PLCB1: variants seen among roughly 807,000 people sequenced by gnomAD.
PLCB1 encodes phospholipase C beta 1, also known as 1-phosphatidylinositol 4,5-bisphosphate phosphodiesterase beta-1.
A neutral mutation model predicts 161.8 loss-of-function variants in PLCB1; 46 were observed. The observed-to-expected ratio is 0.28, with a 90% CI of 0.22 to 0.36. PLCB1 has a LOEUF of 0.36. Ranked by LOEUF, PLCB1 falls within the 10% of genes least tolerant of loss-of-function variation. PLCB1 has a pLI of 1.00. For synonymous variants in PLCB1, 517 were observed against 503.7 expected, an observed-to-expected ratio of 1.03 and a Z score of -0.35; for missense variants, 1,016 against 1,472.5, an observed-to-expected ratio of 0.69 and a Z score of 5.07.
chr20:8,729,077 A>G lies in PLCB1; in HGVS notation c.1791A>G (p.Ile597Met). ...VEYNKMQLSRIYPKGTRVDSS... is the reference protein window; with the variant it reads ...VEYNKMQLSRMYPKGTRVDSS... ...ATAACAAAATGCAGCTTAGCAGGATATATCCAAAAGGAACACGTGTGGATT... is the reference window on the plus strand; with the variant it reads ...ATAACAAAATGCAGCTTAGCAGGATGTATCCAAAAGGAACACGTGTGGATT... The change falls in exon 18 of 32, where the codon ATA (isoleucine) becomes ATG (methionine). Residue 597 changes from isoleucine to methionine, a missense_variant. By Grantham distance (10) the Ile-to-Met change is conservative. Transcript: ENST00000338037. 6.2e-7 allele frequency: 1 copy of G among 1,610,834 alleles called. No homozygotes were observed. The highest frequency in any genetic ancestry group is 1.1e-5 in the South Asian group (1 of 90,648).
chr20:8,375,190 A>G (rs1174700694), intron 3 of PLCB1, among the ~76,000 whole-genome samples: 1 of 152,204 alleles, frequency 6.6e-6, no homozygotes, highest in African/African-American at 2.4e-5. Flanking sequence ...TTTGAAATCT[A>G]AAAGGTGCTT....
At chr20:8,195,128 A>G (rs2052007816) in intron 2 of PLCB1, among the ~76,000 whole-genome samples, 1 of 152,080 alleles carries the variant, frequency 6.6e-6, no homozygotes, top group Non-Finnish European at 1.5e-5. Context: ...ACTAATTTTT[A>G]CATCTTTTTT....
At chr20:8,742,308 G>A (rs1009614844) in intron 23 of PLCB1, among the ~76,000 whole-genome samples, 2 of 151,892 alleles carry the variant, frequency 1.3e-5, no homozygotes, top group South Asian at 2.1e-4. Flanking sequence ...GGAAAAACTC[G>A]AGAAAAAAGA....
intron 4 of PLCB1, among the ~76,000 whole-genome samples, chr20:8,632,034 GCTTTTTTTTT>G (rs1323852697): frequency 0.12 from 9,585 of 81,040 alleles, 586 homozygotes; most frequent in East Asian, 0.2. Flanking sequence ...GGTTTTTTTT[GCTTTTTTTTT>G]TTTTTTTTTT....
chr20:8,305,080 A>T (rs868812396), intron 2 of PLCB1, among the ~76,000 whole-genome samples: 4 of 152,122 alleles, frequency 2.6e-5, no homozygotes, highest in Non-Finnish European at 5.9e-5. Flanking sequence ...GTTTTTGAGG[A>T]TGTGTTGTTG....
At chr20:8,372,050 T>C (rs1986919995) in intron 3 of PLCB1, 1 of 152,246 alleles carries the variant, frequency 6.6e-6, no homozygotes, top group Non-Finnish European at 1.5e-5. Flanking sequence ...AAGAACATAA[T>C]TTTTTAAGCT....
intron 2 of PLCB1, among the ~76,000 whole-genome samples, chr20:8,367,162 G>A (rs1400874209): frequency 6.6e-6 from 1 of 152,180 alleles, no homozygotes; most frequent in Admixed American, 6.6e-5. Flanking sequence ...CATTCAGTAA[G>A]TGTAATATTT....
chr20:8,683,638 T>C (rs1377410920), intron 9 of PLCB1, among the ~76,000 whole-genome samples: 1 of 152,124 alleles, frequency 6.6e-6, no homozygotes, highest in Non-Finnish European at 1.5e-5. Context: ...TCAATAAAGT[T>C]GACAAAAGAA....
rs138798148 is a variant in PLCB1, at chr20:8,152,268, A to G, written c.177+1897A>G. Reference sequence around the variant, plus strand: ...TCATTTCTTAGTGATCATATATCTTAGAATCCAAAAGATGAGAGGATTTAA... The same window carrying G: ...TCATTTCTTAGTGATCATATATCTTGGAATCCAAAAGATGAGAGGATTTAA... On this transcript the variant is annotated intron_variant, in intron 2 of 31. Coordinates refer to ENST00000338037, the MANE Select transcript of PLCB1 (RefSeq NM_015192.4). Among the ~76,000 whole-genome samples the G allele has an allele frequency of 1.8e-4, 27 of 151,792 alleles. No homozygotes were observed. The East Asian group carries it at 4.8e-3, about 27-fold the overall frequency.
intron 13 of PLCB1, 74 bp from the exon 14 acceptor site, chr20:8,717,597 G>T: frequency 8.6e-7 from 1 of 1,159,894 alleles, no homozygotes; most frequent in East Asian, 2.4e-5. Flanking sequence ...ATCCACAGCT[G>T]ATCTGGGGGT....
intron 3 of PLCB1, among the ~76,000 whole-genome samples, chr20:8,372,928 A>G (rs1394848144): frequency 6.6e-6 from 1 of 152,224 alleles, no homozygotes; most frequent in Non-Finnish European, 1.5e-5. Flanking sequence ...TTGGGAGTCA[A>G]AGTGAATTCT....
At chr20:8,584,991 C>G (rs1986946059) in intron 3 of PLCB1, among the ~76,000 whole-genome samples, 2 of 151,976 alleles carry the variant, frequency 1.3e-5, no homozygotes, top group Non-Finnish European at 2.9e-5. Flanking sequence ...GCCTGGCCCT[C>G]AAGATTCTCT....
chr20:8,444,081 G>T (rs1308432217), intron 3 of PLCB1, among the ~76,000 whole-genome samples: 1 of 151,862 alleles, frequency 6.6e-6, no homozygotes, highest in Non-Finnish European at 1.5e-5. Context: ...GGGTACATGT[G>T]CACAATGTGC....
intron 2 of PLCB1, among the ~76,000 whole-genome samples, chr20:8,368,028 C>G (rs1454274068): frequency 6.6e-6 from 1 of 152,172 alleles, no homozygotes; most frequent in Non-Finnish European, 1.5e-5. Context: ...TTCATGCACA[C>G]AGTTGGCGTT....
At chr20:8,135,422 A>G (rs2051335422) in intron 1 of PLCB1, among the ~76,000 whole-genome samples, 1 of 152,164 alleles carries the variant, frequency 6.6e-6, no homozygotes, top group Non-Finnish European at 1.5e-5. Context: ...TGCCATGCAT[A>G]ATTTGCTGGC....
chr20:8,725,355 C>A (rs919631992), intron 16 of PLCB1, among the ~76,000 whole-genome samples: 2 of 152,056 alleles, frequency 1.3e-5, no homozygotes, highest in Admixed American at 1.3e-4. Flanking sequence ...TATGAAAATG[C>A]CCCTTGTATT....
chr20:8,190,656 G>A (rs1404757476), intron 2 of PLCB1, among the ~76,000 whole-genome samples: 2 of 152,052 alleles, frequency 1.3e-5, no homozygotes, highest in African/African-American at 2.4e-5. Context: ...GGTCTAAATT[G>A]CCTTCTATTC....
At chr20:8,205,513 G>GA (rs1555790062) in intron 2 of PLCB1, among the ~76,000 whole-genome samples, 2 of 151,810 alleles carry the variant, frequency 1.3e-5, no homozygotes, top group African/African-American at 4.8e-5. Context: ...TAAATTCCAA[G>GA]AAAAAAATAA....
chr20:8,483,408 T>A (rs1287676352), intron 3 of PLCB1, among the ~76,000 whole-genome samples: 1 of 152,210 alleles, frequency 6.6e-6, no homozygotes, highest in African/African-American at 2.4e-5. Flanking sequence ...ATTATTTAAA[T>A]CAAATATTTA....
Sources: gnomAD v4.1 joint callset for allele counts (sites outside exome capture counted in the v4.1 genomes callset) on GRCh38, gnomAD v4.1.1 for gene constraint, MANE v1.5 for transcripts, NCBI Gene and HGNC (gene_info 2026-07-23, HGNC 2026-07-21) for gene names.